HCRTR2: variants seen among roughly 807,000 people sequenced by gnomAD.
HCRTR2 encodes the protein orexin receptor type 2.
Under a neutral mutation model 49.0 loss-of-function variants are expected in HCRTR2, and 22 were observed. That is an observed-to-expected ratio of 0.45 (90% CI 0.32 to 0.64). The LOEUF (loss-of-function observed/expected upper bound fraction) is 0.64. Ranked by LOEUF, HCRTR2 falls within the 30% of genes least tolerant of loss-of-function variation. The pLI is 0.04. For synonymous variants in HCRTR2, 236 were observed against 205.3 expected, an observed-to-expected ratio of 1.15 and a Z score of -1.28; for missense variants, 491 against 559.4, an observed-to-expected ratio of 0.88 and a Z score of 1.23.
chr6:55,163,210 C>T (rs747199091), intron 1 of HCRTR2, among the ~76,000 whole-genome samples: 7 of 151,780 alleles, frequency 4.6e-5, no homozygotes, highest in South Asian at 2.1e-4. Context: ...GCACTCCAGC[C>T]TGAGTGACAG....
chr6:55,225,772 A>G (rs1765992362), intron 1 of HCRTR2, among the ~76,000 whole-genome samples: 1 of 152,218 alleles, frequency 6.6e-6, no homozygotes, highest in South Asian at 2.1e-4. Flanking sequence ...GTAATTAAGT[A>G]TTTTCTTAAT....
At chr6:55,121,990 G>A (rs1008034186) in intron 1 of HCRTR2, among the ~76,000 whole-genome samples, 5 of 152,130 alleles carry the variant, frequency 3.3e-5, no homozygotes, top group African/African-American at 1.2e-4. Context: ...AATGAGTTAG[G>A]GAGGATTCCC....
intron 1 of HCRTR2, among the ~76,000 whole-genome samples, chr6:55,163,093 G>A (rs1056397556): frequency 1.8e-4 from 27 of 151,896 alleles, no homozygotes; most frequent in Non-Finnish European, 2.2e-4. Flanking sequence ...AAAATTAGCC[G>A]GGCGTGGTGG....
chr6:55,277,257 C>T (rs1187481892), intron 4 of HCRTR2, 123 bp from the exon 5 acceptor site: 1 of 761,798 alleles, frequency 1.3e-6, no homozygotes, highest in Non-Finnish European at 2.3e-6. Flanking sequence ...GAGAAACAGG[C>T]GCTCAAACCT....
intron 3 of HCRTR2, among the ~76,000 whole-genome samples, 189 bp downstream of exon 3, chr6:55,255,568 T>C (rs957527566): frequency 1.3e-5 from 2 of 152,196 alleles, no homozygotes; most frequent in African/African-American, 4.8e-5. Flanking sequence ...ATCTGAATCC[T>C]TTGGAAATGT....
At chr6:55,143,500 C>A (rs528076916) in intron 1 of HCRTR2, among the ~76,000 whole-genome samples, 20 of 152,250 alleles carry the variant, frequency 1.3e-4, no homozygotes, top group African/African-American at 4.3e-4. Flanking sequence ...AAAGTTATTG[C>A]TTTGCTTAGA....
chr6:55,231,335 G>C (rs1360851144), intron 1 of HCRTR2, among the ~76,000 whole-genome samples: 1 of 151,958 alleles, frequency 6.6e-6, no homozygotes, highest in African/African-American at 2.4e-5. Context: ...CATGTGAAGG[G>C]AGACTAATAC....
intron 1 of HCRTR2, among the ~76,000 whole-genome samples, chr6:55,226,391 C>T (rs577789356): frequency 5.9e-5 from 9 of 152,296 alleles, no homozygotes; most frequent in African/African-American, 2.2e-4. Flanking sequence ...TCACTGCAAC[C>T]TCCGACTCCC....
chr6:55,243,141 T>C (rs1428741186), intron 1 of HCRTR2, among the ~76,000 whole-genome samples: 2 of 152,072 alleles, frequency 1.3e-5, no homozygotes, highest in African/African-American at 4.8e-5. Context: ...ATAATTGATA[T>C]CTTCTTGGCA....
intron 1 of HCRTR2, among the ~76,000 whole-genome samples, chr6:55,135,991 G>C (rs533157987): frequency 1.9e-4 from 29 of 152,256 alleles, no homozygotes; most frequent in African/African-American, 7.0e-4. Context: ...AACATTAATT[G>C]CATGCCTGCT....
chr6:55,184,587 A>G (rs1454495061), intron 1 of HCRTR2, among the ~76,000 whole-genome samples: 1 of 152,210 alleles, frequency 6.6e-6, no homozygotes, highest in Non-Finnish European at 1.5e-5. Context: ...TTATTCAAAC[A>G]ATCAATGAAG....
At chr6:55,129,051 T>G (rs901178131) in intron 1 of HCRTR2, among the ~76,000 whole-genome samples, 3 of 152,122 alleles carry the variant, frequency 2.0e-5, no homozygotes, top group Non-Finnish European at 4.4e-5. Flanking sequence ...TGGTTTTATT[T>G]TGGTCGTCTC....
chr6:55,189,689 A>G (rs2998994), intron 1 of HCRTR2, among the ~76,000 whole-genome samples: 149,113 of 152,260 alleles, frequency 0.98, 73,031 homozygotes, highest in East Asian at 1. Flanking sequence ...AGCATGTGGG[A>G]CTTAATACCT....
At chr6:55,208,576 CT>C (rs1765645795) in intron 1 of HCRTR2, among the ~76,000 whole-genome samples, 1 of 151,576 alleles carries the variant, frequency 6.6e-6, no homozygotes, top group African/African-American at 2.4e-5. Flanking sequence ...AAGATTATGT[CT>C]TTTGATGGAA....
At chr6:55,178,824 G>T (rs2127271577) in intron 1 of HCRTR2, among the ~76,000 whole-genome samples, 1 of 152,228 alleles carries the variant, frequency 6.6e-6, no homozygotes, top group South Asian at 2.1e-4. Context: ...CTAACTATTG[G>T]AATAGTTTGC....
intron 4 of HCRTR2, among the ~76,000 whole-genome samples, chr6:55,270,827 G>C (rs946089370): frequency 2.0e-5 from 3 of 152,052 alleles, no homozygotes; most frequent in African/African-American, 7.2e-5. Context: ...AAGAATTTCA[G>C]ATAAGGGATA....
intron 1 of HCRTR2, among the ~76,000 whole-genome samples, chr6:55,169,487 C>T (rs530349415): frequency 6.6e-6 from 1 of 151,636 alleles, no homozygotes; most frequent in African/African-American, 2.4e-5. Flanking sequence ...ACCGAGAGTG[C>T]GTACAGTGAC....
At chr6:55,128,646 G>A (rs1764313538) in intron 1 of HCRTR2, among the ~76,000 whole-genome samples, 1 of 152,016 alleles carries the variant, frequency 6.6e-6, no homozygotes, top group Admixed American at 6.6e-5. Context: ...TTCATAGTTA[G>A]CAGTATTCCT....
intron 1 of HCRTR2, among the ~76,000 whole-genome samples, chr6:55,147,019 T>G (rs1237429504): frequency 6.6e-6 from 1 of 152,202 alleles, no homozygotes; most frequent in Admixed American, 6.5e-5. Flanking sequence ...ACTGAAATTT[T>G]TTTAAAAATC....
Sources: allele counts gnomAD v4.1 joint callset (sites outside exome capture counted in the v4.1 genomes callset), GRCh38; gene constraint gnomAD v4.1.1; transcripts MANE v1.5; gene names NCBI Gene and HGNC (gene_info 2026-07-23, HGNC 2026-07-21).